Variants in LAMB3 observed in about 807,000 individuals in gnomAD.
The protein encoded by LAMB3 is laminin subunit beta-3.
A neutral mutation model predicts 140.3 loss-of-function variants in LAMB3; 104 were observed. The ratio of observed to expected loss-of-function variants is 0.74; its 90% CI spans 0.63 to 0.87. LAMB3 has a LOEUF of 0.87. Ranked by LOEUF, LAMB3 falls within the 40% of genes least tolerant of loss-of-function variation. LAMB3 has a pLI of 0.00. For synonymous variants in LAMB3, 592 were observed against 602.9 expected (o/e 0.98, Z 0.26); for missense variants, 1,531 against 1,575.2 (o/e 0.97, Z 0.47).
At chr1:209,626,790 C>G in intron 13 of LAMB3, 77 bp downstream of exon 13, 3 of 1,037,906 alleles carry the variant, frequency 2.9e-6, no homozygotes, top group Middle Eastern at 5.1e-4. Flanking sequence ...TGCTGCAGAC[C>G]TACACGCCCC....
rs1318440146 is a variant in LAMB3, at chr1:209,623,783, G to A, written c.2137+57C>T. Reference sequence around the variant, plus strand: ...GGAGGAGCAGGAGGGAGAGGGGGTGGCATGCCCACCACGGCAGTGCCCATG... The same window carrying A: ...GGAGGAGCAGGAGGGAGAGGGGGTGACATGCCCACCACGGCAGTGCCCATG... On this transcript the variant is annotated intron_variant, in intron 15 of 22. Transcript: ENST00000356082. This position sits in a 1 kb window ranked among gnomAD's most constrained non-coding sequence, Gnocchi z 4.2. 1 of 1,613,110 alleles carries A rather than the reference G, an allele frequency of 6.2e-7. No individual in the cohort carries two copies. Among genetic ancestry groups the A allele is most frequent in the Non-Finnish European group, 8.5e-7 (1 of 1,179,350 alleles).
chr1:209,650,006 A>G lies in LAMB3; in HGVS notation c.141T>C (p.Cys47=). The change falls in exon 3 of 23, where the codon TGT becomes TGC. Residue 47 remains cysteine, a synonymous_variant. Coordinates refer to ENST00000356082, the MANE Select transcript of LAMB3 (RefSeq NM_000228.3). ...RTRFLRASST[C]GLTKPETYCT... is the part of the protein sequence containing the mutation. The stretch of plus-strand genomic sequence containing the variant: ...AGTAGGTCTCAGGCTTGGTCAGTCC[A>G]CAGGTAGATGAAGCTCGGAGAAACC... The G allele has an allele frequency of 1.2e-6, 2 of 1,614,152 alleles. No homozygotes were observed. The highest frequency in any genetic ancestry group is 1.7e-6 in the Non-Finnish European group (2 of 1,180,016).
Position 209,650,082 on chromosome 1 carries a change from G to A in LAMB3, c.65C>T (p.Ser22Phe), listed in dbSNP as rs147620922. Residue 22 changes from serine to phenylalanine, a missense_variant, in exon 3 of 23, where the codon TCC becomes TTC. Transcript: ENST00000356082. Reference protein sequence around the residue: ...PGLLHAQQACSRGACYPPVGD... With the variant: ...PGLLHAQQACFRGACYPPVGD... ...AACAGGTGGATAGCAGGCCCCACGG[G>A]AGCAGGCTTGTTGGGCATGCAGGAG... The A allele has an allele frequency of 1.9e-6, 3 of 1,613,952 alleles. No individual in the cohort carries two copies. The highest frequency in any genetic ancestry group is 1.3e-5 in the African/African-American group (1 of 74,908).
At position 209,622,663 on chromosome 1, in the gene LAMB3, T is replaced by C. The variant is rs1198426195; in HGVS notation, c.2574A>G (p.Glu858=). Residue 858 remains glutamate, a synonymous_variant, in exon 18 of 23, where the codon GAA becomes GAG. Coordinates refer to ENST00000356082, the MANE Select transcript of LAMB3 (RefSeq NM_000228.3). ...CACTGGATTGAATCTGTGAGGCAGA[T>C]TCCTCGGCTGCCCTAATCTGTTGAC... ...RTRQMIRAAE[E]SASQIQSSAQ... 1 of 1,614,118 alleles carries C rather than the reference T, an allele frequency of 6.2e-7. No homozygotes were observed. The highest frequency in any genetic ancestry group is 1.7e-5 in the Admixed American group (1 of 60,014).
Position 209,650,088 on chromosome 1 carries a change from G to T in LAMB3, c.59C>A (p.Ala20Asp), listed in dbSNP as rs1425528140. The T allele has an allele frequency of 1.9e-6, 3 of 1,613,908 alleles. No homozygotes were observed. Among genetic ancestry groups the T allele is most frequent in the Non-Finnish European group, 2.5e-6 (3 of 1,179,994 alleles). ...TGGATAGCAGGCCCCACGGGAGCAG[G>T]CTTGTTGGGCATGCAGGAGGCCAGG... ...ALPGLLHAQQ[A>D]CSRGACYPPV... is the part of the protein sequence containing the mutation. Residue 20 changes from alanine (A) to aspartate (D), a missense_variant, in exon 3 of 23, where the codon GCC (alanine) becomes GAC (aspartate). Physicochemically the swap from Ala to Asp is moderately radical, Grantham distance 126. Transcript: ENST00000356082.
At position 209,618,471 on chromosome 1, in the gene LAMB3, C is replaced by A; in HGVS notation, c.2890G>T (p.Ala964Ser). The change falls in exon 19 of 23, where the codon GCT (alanine) becomes TCT (serine). Residue 964 changes from alanine to serine, a missense_variant. Transcript: ENST00000356082. ...QDIARARRLQ[A>S]EAEEARSRAH... ...CCATACCTGGCTTCCTCAGCCTCAG[C>A]CTGCAACCGGCGGGCACGCGCAATG... The A allele has an allele frequency of 6.2e-7, 1 of 1,614,076 alleles. No individual in the cohort carries two copies. Among genetic ancestry groups the A allele is most frequent in the South Asian group, 1.1e-5 (1 of 91,084 alleles).
In LAMB3 at chr1:209,628,074, A is replaced by C; in HGVS notation, c.1249T>G (p.Phe417Val). The C allele has an allele frequency of 6.2e-7, 1 of 1,607,256 alleles. No individual in the cohort carries two copies. Among genetic ancestry groups the C allele is most frequent in the Non-Finnish European group, 8.5e-7 (1 of 1,176,758 alleles). ...GERCDLCKPG[F>V]TGLTYANPQG... is the part of the protein sequence containing the mutation. ...GGGTTGGCGTAGGTGAGTCCAGTGA[A>C]GCCCGGCTTGCATAGGTCACAGCGC... The change falls in exon 11 of 23, where the codon TTC (phenylalanine) becomes GTC (valine). Residue 417 changes from phenylalanine to valine, a missense_variant. Phe to Val is a conservative substitution (Grantham distance 50). Coordinates refer to ENST00000356082, the MANE Select transcript of LAMB3 (RefSeq NM_000228.3).
intron 3 of LAMB3, 23 bp downstream of exon 3, chr1:209,649,941 C>T: frequency 6.2e-7 from 1 of 1,614,012 alleles, no homozygotes; most frequent in Non-Finnish European, 8.5e-7. Flanking sequence ...CGCCTTCCTC[C>T]AGTCCTGGGA....
chr1:209,616,502 C>A lies in LAMB3; in HGVS notation c.3351G>T (p.Gly1117=), dbSNP rs114560498. 6 of 1,614,184 alleles carry A rather than the reference C, an allele frequency of 3.7e-6. No homozygotes were observed. In the East Asian group the frequency reaches 1.3e-4, roughly 36 times the overall value. ...SVKTEAEELF[G]ETMEMMDRMK... Reference sequence around the variant, plus strand: ...TCCTGTCCATCATCTCCATGGTCTCCCCAAACAGCTCCTCTGCCTCTGTCT... The same window carrying A: ...TCCTGTCCATCATCTCCATGGTCTCACCAAACAGCTCCTCTGCCTCTGTCT... The change falls in exon 22 of 23, where the codon GGG becomes GGT. Residue 1117 remains glycine (G), a synonymous_variant. Transcript: ENST00000356082.
chr1:209,637,899 G>A lies in LAMB3; in HGVS notation c.372+9C>T. 3 of 1,610,638 alleles carry A rather than the reference G, an allele frequency of 1.9e-6. No homozygotes were observed. Among genetic ancestry groups the A allele is most frequent in the Non-Finnish European group, 2.5e-6 (3 of 1,178,336 alleles). On this transcript the variant is annotated intron_variant, in intron 5 of 22. Coordinates refer to ENST00000356082, the MANE Select transcript of LAMB3 (RefSeq NM_000228.3). ...CTCTCCTATCCACTGCCACCCCCAG[G>A]AGGCACACCTGGAACTCCATCATGA...
At chr1:209,628,683 C>CCATCTCCATTAAAGGAGATGG (rs1326452225) in intron 10 of LAMB3, among the ~76,000 whole-genome samples, 2,113 of 151,328 alleles carry the variant, frequency 0.014, 32 homozygotes, top group African/African-American at 0.035. Flanking sequence ...GCAACAAGAG[C>CCATCTCCATTAAAGGAGATGG]GAAACCATCT....
At chr1:209,647,424 A>T (rs1032588501) in intron 3 of LAMB3, among the ~76,000 whole-genome samples, 2 of 152,192 alleles carry the variant, frequency 1.3e-5, no homozygotes, top group African/African-American at 4.8e-5. Flanking sequence ...GGAGTGAGCA[A>T]GGCAGAAATG....
At chr1:209,631,780 G>A (rs1355521206) in intron 8 of LAMB3, among the ~76,000 whole-genome samples, 1 of 152,204 alleles carries the variant, frequency 6.6e-6, no homozygotes, top group Non-Finnish European at 1.5e-5. Flanking sequence ...CCCTGAGCTG[G>A]CCTCCCTCTG....
intron 10 of LAMB3, among the ~76,000 whole-genome samples, chr1:209,628,489 G>T (rs1414897505): frequency 6.6e-6 from 1 of 152,194 alleles, no homozygotes; most frequent in Non-Finnish European, 1.5e-5. Flanking sequence ...CCTGAGGTCA[G>T]GAGTTCGAGA....
At chr1:209,633,880 C>T (rs1366034833) in intron 6 of LAMB3, among the ~76,000 whole-genome samples, 2 of 152,146 alleles carry the variant, frequency 1.3e-5, no homozygotes, top group Non-Finnish European at 2.9e-5. Context: ...GAATTTGACC[C>T]ACGTTGGGAG....
At chr1:209,628,780 G>A (rs1666570464) in intron 10 of LAMB3, among the ~76,000 whole-genome samples, 1 of 152,132 alleles carries the variant, frequency 6.6e-6, no homozygotes. Flanking sequence ...AAGTACTATA[G>A]AAGCGGTTTT....
chr1:209,627,690 T>G, intron 11 of LAMB3, 111 bp from the exon 12 acceptor site: 1 of 1,006,902 alleles, frequency 9.9e-7, no homozygotes, highest in South Asian at 1.4e-5. Flanking sequence ...GGCAGGGCCC[T>G]TCCCTGCAGA....
At position 209,639,899 on chromosome 1, in the gene LAMB3, T is replaced by G. The variant is rs1204334119; in HGVS notation, c.184-1251A>C. On this transcript the variant is annotated intron_variant, in intron 3 of 22. Coordinates refer to ENST00000356082, the MANE Select transcript of LAMB3 (RefSeq NM_000228.3). ...TGTCCCTCCACACACCCTGTACCGC[T>G]GCTTTCCTCTAAGCCTCCACTCACC... Among the ~76,000 whole-genome samples, 3 of 152,336 alleles carry G rather than the reference T, an allele frequency of 2.0e-5. No individual in the cohort carries two copies. The East Asian group carries it at 5.8e-4, about 29-fold the overall frequency.
intron 5 of LAMB3, 41 bp downstream of exon 5, chr1:209,637,867 G>T: frequency 6.5e-7 from 1 of 1,541,388 alleles, no homozygotes; most frequent in Non-Finnish European, 8.9e-7. Context: ...ACATGGCCCA[G>T]GAGCCCCTCT....
Sources: allele counts gnomAD v4.1 joint callset (sites outside exome capture counted in the v4.1 genomes callset), GRCh38; gene constraint gnomAD v4.1.1; non-coding constraint Gnocchi (gnomAD v3.1); transcripts MANE v1.5; gene names NCBI Gene and HGNC (gene_info 2026-07-23, HGNC 2026-07-21).